C4orf50: variants seen among roughly 807,000 people sequenced by gnomAD.
The protein encoded by C4orf50 is uncharacterized protein C4orf50.
C4orf50 carries 80 observed loss-of-function variants against 77.2 expected under a neutral mutation model. The observed-to-expected ratio is 1.04, with a 90% CI of 0.87 to 1.25. C4orf50 has a LOEUF of 1.25. Ranked by LOEUF, C4orf50 falls within the 50% of genes most tolerant of loss-of-function variation. The probability of loss-of-function intolerance (pLI) is 0.00; values close to 1 mark genes in which losing one functional copy is unlikely to be tolerated. For synonymous variants in C4orf50, 532 were observed against 465.3 expected (o/e 1.14, Z -1.84); for missense variants, 1,257 against 1,152.9 (o/e 1.09, Z -1.31).
intron 29 of C4orf50, among the ~76,000 whole-genome samples, chr4:5,976,617 G>A (rs112977571): frequency 2.6e-4 from 39 of 152,254 alleles, no homozygotes; most frequent in African/African-American, 8.7e-4. Flanking sequence ...TCCTAATCCC[G>A]GCTCAGCCAG....
intron 33 of C4orf50, among the ~76,000 whole-genome samples, chr4:5,964,581 A>C (rs1056371757): frequency 6.6e-6 from 1 of 152,070 alleles, no homozygotes; most frequent in Admixed American, 6.6e-5. Context: ...CAGCCTGGCC[A>C]ACAGAGTGAA....
chr4:5,976,457 GAAAAA>G (rs138450804), intron 29 of C4orf50, among the ~76,000 whole-genome samples: 23 of 93,100 alleles, frequency 2.5e-4, no homozygotes, highest in African/African-American at 4.9e-4. Flanking sequence ...CTCTGTCTCG[GAAAAA>G]AAAAAAAAAA....
At chr4:5,974,506 T>C (rs1720140041) in intron 30 of C4orf50, among the ~76,000 whole-genome samples, 1 of 152,148 alleles carries the variant, frequency 6.6e-6, no homozygotes, top group Non-Finnish European at 1.5e-5. Context: ...CTTTAGGAAC[T>C]GTCTGGCTCA....
chr4:5,938,925 G>A (rs1210568824), intron 7 of C4orf50, among the ~76,000 whole-genome samples: 1 of 151,934 alleles, frequency 6.6e-6, no homozygotes, highest in Non-Finnish European at 1.5e-5. Flanking sequence ...GCCTGCTCAT[G>A]CTTCTCTGCT....
At chr4:5,977,440 A>G (rs1269943071) in intron 29 of C4orf50, among the ~76,000 whole-genome samples, 2 of 152,224 alleles carry the variant, frequency 1.3e-5, no homozygotes, top group Non-Finnish European at 2.9e-5. Context: ...TTCATAATTA[A>G]ATAATATGCA....
At chr4:5,946,395 T>C (rs1718483635) in intron 7 of C4orf50, among the ~76,000 whole-genome samples, 1 of 152,180 alleles carries the variant, frequency 6.6e-6, no homozygotes, top group Admixed American at 6.6e-5. Context: ...AAAGTAAAAG[T>C]TCCTCTTCAA....
At chr4:5,954,093 A>C (rs578098015), downstream of C4orf50, among the ~76,000 whole-genome samples, 1 of 152,344 alleles carries the variant, frequency 6.6e-6, no homozygotes, top group South Asian at 2.1e-4. The surrounding 1 kb of genome is among the most constrained non-coding windows in gnomAD (Gnocchi z 4.7). Flanking sequence ...AGCCAAGCTA[A>C]GAGCTGGCTC....
chr4:5,978,009 G>A (rs1318208627), intron 29 of C4orf50, among the ~76,000 whole-genome samples: 1 of 152,194 alleles, frequency 6.6e-6, no homozygotes, highest in East Asian at 1.9e-4. Context: ...AAAATGGGAA[G>A]AATCTGAATA....
downstream of C4orf50, among the ~76,000 whole-genome samples, chr4:5,952,966 A>G (rs1384184420): frequency 6.6e-6 from 1 of 152,228 alleles, no homozygotes; most frequent in Non-Finnish European, 1.5e-5. This position sits in a 1 kb window ranked among gnomAD's most constrained non-coding sequence, Gnocchi z 4.4. Flanking sequence ...GGACAGCCGA[A>G]GGGAACCAAA....
intron 7 of C4orf50, among the ~76,000 whole-genome samples, chr4:5,911,215 C>G (rs1200162185): frequency 1.3e-5 from 2 of 152,132 alleles, no homozygotes; most frequent in Non-Finnish European, 2.9e-5. Flanking sequence ...GGCCTCTTCC[C>G]TTTCTGTGCC....
chr4:5,964,364 G>A (rs574043705), intron 33 of C4orf50, among the ~76,000 whole-genome samples: 3 of 152,294 alleles, frequency 2.0e-5, no homozygotes, highest in Admixed American at 6.5e-5. Context: ...TTGATGTGAG[G>A]AAGATGACCT....
At chr4:5,959,155 C>T (rs1222294882) in exon 34 of C4orf50, 15 of 569,414 alleles carry the variant, frequency 2.6e-5, no homozygotes, top group Non-Finnish European at 4.7e-5. Flanking sequence ...CCTATGCTGC[C>T]TTGACATTGC....
At chr4:5,912,875 C>G (rs879567908) in intron 7 of C4orf50, among the ~76,000 whole-genome samples, 2 of 152,190 alleles carry the variant, frequency 1.3e-5, no homozygotes, top group African/African-American at 2.4e-5. Flanking sequence ...ACACCTGGGC[C>G]TGGGATGACA....
At position 6,009,570 on chromosome 4, in the gene C4orf50, C is replaced by G. The variant is rs1377807132; in HGVS notation, c.427-1038G>C. Among the ~76,000 whole-genome samples the G allele has an allele frequency of 6.6e-6, 1 of 152,090 alleles. No individual in the cohort carries two copies. Among genetic ancestry groups the G allele is most frequent in the East Asian group, 1.9e-4 (1 of 5,186 alleles). ...TCTGTAATGATCTTTGCATGGTGCCCGGTGGAGGGATTTCAGAGCCTAGAT... is the reference window on the plus strand; with the variant it reads ...TCTGTAATGATCTTTGCATGGTGCCGGGTGGAGGGATTTCAGAGCCTAGAT... On this transcript the variant is annotated intron_variant, in intron 24 of 33. Coordinates refer to ENST00000531445, the Ensembl canonical transcript of C4orf50. The surrounding 1 kb of genome is among the most constrained non-coding windows in gnomAD (Gnocchi z 5.6).
intron 32 of C4orf50, among the ~76,000 whole-genome samples, chr4:5,966,249 G>C (rs1289344012): frequency 6.6e-6 from 1 of 152,206 alleles, no homozygotes; most frequent in Non-Finnish European, 1.5e-5. Flanking sequence ...GGCAAGGCAG[G>C]TGGATCACAT....
intron 25 of C4orf50, among the ~76,000 whole-genome samples, chr4:5,997,873 C>T (rs924254814): frequency 6.6e-6 from 1 of 152,114 alleles, no homozygotes; most frequent in African/African-American, 2.4e-5. Flanking sequence ...GTTTTTATAG[C>T]TAACTAATAT....
intron 7 of C4orf50, among the ~76,000 whole-genome samples, chr4:5,946,636 C>T (rs1050812570): frequency 6.6e-6 from 1 of 152,206 alleles, no homozygotes; most frequent in Non-Finnish European, 1.5e-5. Context: ...TAAGCAACTT[C>T]CTCTTTTCCT....
intron 25 of C4orf50, among the ~76,000 whole-genome samples, chr4:6,001,861 C>T (rs898668952): frequency 2.0e-5 from 3 of 152,228 alleles, no homozygotes; most frequent in South Asian, 4.1e-4. Flanking sequence ...ACCGGGAAGG[C>T]AGAGCACACC....
intron 7 of C4orf50, chr4:5,898,596 T>C (rs1716222661): frequency 6.6e-6 from 1 of 152,220 alleles, no homozygotes; most frequent in Non-Finnish European, 1.5e-5. Flanking sequence ...CCTTTTCCAC[T>C]AAAGAATTAA....
Sources: gnomAD v4.1 joint callset for allele counts (sites outside exome capture counted in the v4.1 genomes callset) on GRCh38, gnomAD v4.1.1 for gene constraint, Gnocchi (gnomAD v3.1) non-coding constraint, MANE v1.5 for transcripts, NCBI Gene and HGNC (gene_info 2026-07-23, HGNC 2026-07-21) for gene names.